XKR4: variants seen among roughly 807,000 people sequenced by gnomAD.
The protein encoded by XKR4 is XK related 4.
In XKR4, 12 loss-of-function variants were observed where a neutral mutation model predicts 53.9. The ratio of observed to expected loss-of-function variants is 0.22; its 90% CI spans 0.14 to 0.36. The LOEUF (loss-of-function observed/expected upper bound fraction) is 0.36, where lower values mean the gene tolerates loss of function less well. Ranked by LOEUF, XKR4 falls within the 10% of genes least tolerant of loss-of-function variation. The probability of loss-of-function intolerance (pLI) is 1.00; values close to 1 mark genes in which losing one functional copy is unlikely to be tolerated. For missense variants in XKR4, 799 were observed against 859.5 expected, an observed-to-expected ratio of 0.93 and a Z score of 0.88; for synonymous variants, 354 against 362.4, an observed-to-expected ratio of 0.98 and a Z score of 0.26.
intron 2 of XKR4, among the ~76,000 whole-genome samples, chr8:55,491,651 T>TTTG (rs1435495090): frequency 6.6e-6 from 1 of 151,850 alleles, no homozygotes; most frequent in Non-Finnish European, 1.5e-5. Context: ...TGTTTGTTTG[T>TTTG]TTGTTTTTTA....
In XKR4 at chr8:55,210,970, A is replaced by G. The variant is rs1013686790; in HGVS notation, c.806+107676A>G. On this transcript the variant is annotated intron_variant, in intron 1 of 2. Transcript: ENST00000327381. ...CATATGTCAGGGGATGAAATTTTCCATTGTGGGCTTGTCTGGGCAAGTATC... is the reference window on the plus strand; with the variant it reads ...CATATGTCAGGGGATGAAATTTTCCGTTGTGGGCTTGTCTGGGCAAGTATC... Among the ~76,000 whole-genome samples, 3 of 152,120 alleles carry G rather than the reference A, an allele frequency of 2.0e-5. No homozygotes were observed. In the East Asian group the frequency reaches 5.8e-4, roughly 29 times the overall value.
chr8:55,398,606 T>C (rs997853620), intron 2 of XKR4, among the ~76,000 whole-genome samples: 2 of 152,110 alleles, frequency 1.3e-5, no homozygotes, highest in Non-Finnish European at 2.9e-5. Context: ...CGGCTTTAGT[T>C]CAATCACTTC....
At chr8:55,484,275 C>T (rs774238684) in intron 2 of XKR4, among the ~76,000 whole-genome samples, 5 of 152,182 alleles carry the variant, frequency 3.3e-5, no homozygotes, top group Admixed American at 6.5e-5. Context: ...TAGTAATCTA[C>T]ACAATCATCC....
chr8:55,204,803 T>G (rs576977018), intron 1 of XKR4, among the ~76,000 whole-genome samples: 1 of 152,222 alleles, frequency 6.6e-6, no homozygotes, highest in Non-Finnish European at 1.5e-5. Flanking sequence ...TTTCTATACT[T>G]TTTTTAGTTT....
At chr8:55,466,819 C>T (rs1805781362) in intron 2 of XKR4, among the ~76,000 whole-genome samples, 1 of 152,096 alleles carries the variant, frequency 6.6e-6, no homozygotes, top group Non-Finnish European at 1.5e-5. Context: ...CTAAAATAAA[C>T]ATCCTTATAC....
chr8:55,447,069 A>G (rs529432032), intron 2 of XKR4, among the ~76,000 whole-genome samples: 1 of 152,058 alleles, frequency 6.6e-6, no homozygotes, highest in African/African-American at 2.4e-5. Flanking sequence ...AAAAAAAAAA[A>G]AAGCAGAGGT....
chr8:55,347,605 T>C (rs1424692226), intron 1 of XKR4, among the ~76,000 whole-genome samples: 4 of 152,276 alleles, frequency 2.6e-5, no homozygotes, highest in African/African-American at 7.2e-5. Context: ...GAATCAGTCA[T>C]ATGGTAAGGA....
chr8:55,425,975 T>G (rs886747875), intron 2 of XKR4, among the ~76,000 whole-genome samples: 5 of 152,178 alleles, frequency 3.3e-5, no homozygotes, highest in Non-Finnish European at 5.9e-5. Context: ...AGCACCTCCC[T>G]CTCTACCCCA....
At chr8:55,164,379 C>A (rs1345924370) in intron 1 of XKR4, 3 of 456,130 alleles carry the variant, frequency 6.6e-6, no homozygotes, top group Non-Finnish European at 1.3e-5. Context: ...GAGGTTCAGC[C>A]TTTAACAAAC....
intron 2 of XKR4, among the ~76,000 whole-genome samples, chr8:55,392,087 G>T (rs1644872682): frequency 6.6e-6 from 1 of 152,310 alleles, no homozygotes; most frequent in Middle Eastern, 3.4e-3. Flanking sequence ...CATTAGTATA[G>T]TTCAAGTTTA....
intron 1 of XKR4, among the ~76,000 whole-genome samples, chr8:55,130,727 TGTA>T (rs1816541479): frequency 6.6e-6 from 1 of 152,094 alleles, no homozygotes; most frequent in South Asian, 2.1e-4. Context: ...TCATGTAAGT[TGTA>T]GTGTATATGT....
In XKR4 at chr8:55,218,263, G is replaced by A. The variant is rs143552736; in HGVS notation, c.806+114969G>A. Among the ~76,000 whole-genome samples the A allele has an allele frequency of 3.9e-3, 598 of 152,312 alleles. 3 individuals carry two copies. Among genetic ancestry groups the A allele is most frequent in the Non-Finnish European group, 6.3e-3 (426 of 68,024 alleles). On this transcript the variant is annotated intron_variant, in intron 1 of 2. Coordinates refer to ENST00000327381, the MANE Select transcript of XKR4 (RefSeq NM_052898.2). Reference sequence around the variant, plus strand: ...TTATAAAAGTCCACTTTTGTAACAAGTGATATAATTATGTCATGTGATATG... The same window carrying A: ...TTATAAAAGTCCACTTTTGTAACAAATGATATAATTATGTCATGTGATATG...
rs1475705369 is a variant in XKR4, at chr8:55,226,542, G to GA, written c.806+123254dup. Among the ~76,000 whole-genome samples, 6 of 152,092 alleles carry GA rather than the reference G, an allele frequency of 3.9e-5. 1 individual carries two copies. In the South Asian group the frequency reaches 8.3e-4, roughly 21 times the overall value. On this transcript the variant is annotated intron_variant, in intron 1 of 2. Coordinates refer to ENST00000327381, the MANE Select transcript of XKR4 (RefSeq NM_052898.2). ...ACAAGACGTATCCATCCTGTTAAGT[G>GA]AAAAAATCTATCTTCCCAACCCATT...
intron 1 of XKR4, among the ~76,000 whole-genome samples, chr8:55,293,910 C>T (rs902799192): frequency 2.0e-5 from 3 of 152,148 alleles, no homozygotes; most frequent in Admixed American, 6.5e-5. Context: ...TTTATATCTG[C>T]ATTTAAGCTG....
At chr8:55,290,672 G>A (rs1819005671) in intron 1 of XKR4, among the ~76,000 whole-genome samples, 1 of 151,686 alleles carries the variant, frequency 6.6e-6, no homozygotes, top group African/African-American at 2.4e-5. Context: ...TTTGTCATCT[G>A]TATATCCTCC....
chr8:55,254,958 A>G (rs1265213120), intron 1 of XKR4, among the ~76,000 whole-genome samples: 1 of 152,228 alleles, frequency 6.6e-6, no homozygotes, highest in Non-Finnish European at 1.5e-5. Flanking sequence ...GTCATGCACG[A>G]CAACCAAGCT....
intron 2 of XKR4, among the ~76,000 whole-genome samples, chr8:55,383,671 A>C (rs1804266957): frequency 6.6e-6 from 1 of 152,216 alleles, no homozygotes; most frequent in Non-Finnish European, 1.5e-5. Context: ...CTAATTGTTC[A>C]TGTATTAATT....
At chr8:55,424,602 C>T (rs1019253536) in intron 2 of XKR4, among the ~76,000 whole-genome samples, 1 of 152,226 alleles carries the variant, frequency 6.6e-6, no homozygotes, top group African/African-American at 2.4e-5. Context: ...CTGCCACGAA[C>T]ACTGAGGTTT....
At chr8:55,373,962 A>G (rs550819440) in intron 2 of XKR4, among the ~76,000 whole-genome samples, 26 of 152,212 alleles carry the variant, frequency 1.7e-4, no homozygotes, top group Non-Finnish European at 3.4e-4. Context: ...GGGAGATCAG[A>G]TAAGAGCAGG....
Sources: allele counts gnomAD v4.1 joint callset (sites outside exome capture counted in the v4.1 genomes callset), GRCh38; gene constraint gnomAD v4.1.1; transcripts MANE v1.5; gene names NCBI Gene and HGNC (gene_info 2026-07-23, HGNC 2026-07-21).